Variants in IL1RAPL1 observed in about 807,000 individuals in gnomAD.
The protein encoded by IL1RAPL1 is interleukin 1 receptor accessory protein like 1.
IL1RAPL1 carries 3 observed loss-of-function variants against 48.4 expected under a neutral mutation model. The ratio of observed to expected loss-of-function variants is 0.06; its 90% confidence interval spans 0.03 to 0.16. The LOEUF is 0.16. Ranked by LOEUF, IL1RAPL1 falls within the 10% of genes least tolerant of loss-of-function variation. IL1RAPL1 has a pLI of 1.00. For missense variants in IL1RAPL1, 349 were observed against 530.6 expected (o/e 0.66, Z 3.36); for synonymous variants, 185 against 187.7 (o/e 0.99, Z 0.12).
intron 2 of IL1RAPL1, among the ~76,000 whole-genome samples, chrX:29,217,361 A>G (rs1290768944): frequency 8.9e-6 from 1 of 112,193 alleles, no homozygotes; most frequent in Non-Finnish European, 1.9e-5. Flanking sequence ...TTAAACACCA[A>G]ATATTTGCCA....
chrX:29,617,555 A>C (rs189253490), intron 5 of IL1RAPL1, among the ~76,000 whole-genome samples: 179 of 111,873 alleles, frequency 1.6e-3, no homozygotes, highest in Non-Finnish European at 2.8e-3. Flanking sequence ...TGAGCAGCCA[A>C]CAGTGGGACT....
intron 2 of IL1RAPL1, among the ~76,000 whole-genome samples, chrX:28,815,884 T>TATATAA (rs1491054467): frequency 1.4e-5 from 1 of 73,298 alleles, no homozygotes; most frequent in African/African-American, 4.7e-5. Context: ...TATATATATA[T>TATATAA]AATTTTTTTC....
intron 2 of IL1RAPL1, among the ~76,000 whole-genome samples, chrX:28,925,254 C>T (rs1923711896): frequency 9.0e-6 from 1 of 111,612 alleles, no homozygotes; most frequent in African/African-American, 3.3e-5. Flanking sequence ...CAAATTAATA[C>T]TTTTAAATGA....
At position 28,883,212 on chromosome X, in the gene IL1RAPL1, A is replaced by G. The variant is rs1009196675; in HGVS notation, c.82+93787A>G. On this transcript the variant is annotated intron_variant, in intron 2 of 10. Coordinates refer to ENST00000378993, the MANE Select transcript of IL1RAPL1 (RefSeq NM_014271.4). ...GCATGTATTCATATCTTTTAATAAA[A>G]GCCTATGCAAACCTCTCTTTTTTTG... Among the ~76,000 whole-genome samples the G allele has an allele frequency of 1.1e-3, 119 of 112,153 alleles. 2 individuals carry two copies. Among genetic ancestry groups the G allele is most frequent in the Non-Finnish European group, 2.8e-4 (15 of 53,153 alleles).
intron 5 of IL1RAPL1, among the ~76,000 whole-genome samples, chrX:29,603,028 G>A (rs1469571549): frequency 8.9e-6 from 1 of 111,898 alleles, no homozygotes; most frequent in Non-Finnish European, 1.9e-5. Context: ...CACTTTGGGA[G>A]GCCGAGGCGG....
chrX:28,679,293 G>GT (rs751583720), intron 1 of IL1RAPL1, among the ~76,000 whole-genome samples: 3 of 110,040 alleles, frequency 2.7e-5, no homozygotes, highest in Non-Finnish European at 5.7e-5. Flanking sequence ...TTTTATTCGG[G>GT]TTTTTTTTCC....
intron 1 of IL1RAPL1, among the ~76,000 whole-genome samples, chrX:28,678,942 A>G (rs1473520594): frequency 1.8e-5 from 2 of 111,989 alleles, no homozygotes; most frequent in African/African-American, 6.5e-5. Flanking sequence ...TTTCCTTTCA[A>G]TATATGCCCA....
intron 1 of IL1RAPL1, among the ~76,000 whole-genome samples, chrX:28,763,298 G>A (rs913512557): frequency 8.9e-6 from 1 of 111,832 alleles, no homozygotes; most frequent in Non-Finnish European, 1.9e-5. Context: ...AATTTATTCA[G>A]TGTTTTGTAC....
At chrX:29,841,674 A>G (rs1056722737) in intron 6 of IL1RAPL1, among the ~76,000 whole-genome samples, 4 of 111,644 alleles carry the variant, frequency 3.6e-5, no homozygotes, top group African/African-American at 1.3e-4. Context: ...TACGGTATGT[A>G]AGAACTATAC....
chrX:29,000,929 G>A (rs1439455053), intron 2 of IL1RAPL1, among the ~76,000 whole-genome samples: 4 of 104,139 alleles, frequency 3.8e-5, no homozygotes. Context: ...TTTTTTCAGA[G>A]TGTGATCTTC....
In IL1RAPL1 at chrX:29,417,717, A is replaced by G. The variant is rs757027185; in HGVS notation, c.703+18409A>G. Among the ~76,000 whole-genome samples, 433 of 111,603 alleles carry G rather than the reference A, an allele frequency of 3.9e-3. 2 individuals are homozygous for G. The highest frequency in any genetic ancestry group is 0.014 in the African/African-American group (417 of 30,808). ...CAACTTTTGTGAATATTATTTTTAA[A>G]ACAGAAATGCTGTATATAGTCACTA... On this transcript the variant is annotated intron_variant, in intron 5 of 10. Coordinates refer to ENST00000378993, the MANE Select transcript of IL1RAPL1 (RefSeq NM_014271.4).
At chrX:29,637,649 G>C (rs1223259706) in intron 5 of IL1RAPL1, among the ~76,000 whole-genome samples, 2 of 111,130 alleles carry the variant, frequency 1.8e-5, no homozygotes, top group Non-Finnish European at 3.8e-5. Flanking sequence ...TGTGTCCTCT[G>C]TATGCCTCTA....
intron 1 of IL1RAPL1, among the ~76,000 whole-genome samples, chrX:28,775,980 A>G (rs908723487): frequency 8.9e-6 from 1 of 112,031 alleles, no homozygotes; most frequent in Non-Finnish European, 1.9e-5. Context: ...TAACTGACAT[A>G]TATTTTTTAT....
At chrX:29,079,321 A>G (rs1052914188) in intron 2 of IL1RAPL1, among the ~76,000 whole-genome samples, 1 of 111,636 alleles carries the variant, frequency 9.0e-6, no homozygotes, top group Non-Finnish European at 1.9e-5. Context: ...TTTTGGGACC[A>G]AAATCTTAAA....
intron 5 of IL1RAPL1, among the ~76,000 whole-genome samples, chrX:29,466,617 C>T (rs1169832826): frequency 3.6e-5 from 4 of 112,125 alleles, no homozygotes; most frequent in African/African-American, 1.3e-4. Flanking sequence ...CAGATTAGTG[C>T]TGAAGTTCTG....
At chrX:28,640,556 G>A (rs1221321253) in intron 1 of IL1RAPL1, among the ~76,000 whole-genome samples, 3 of 108,606 alleles carry the variant, frequency 2.8e-5, no homozygotes, top group Non-Finnish European at 5.7e-5. Flanking sequence ...TCAACATGTT[G>A]GCCAGGCTGG....
At chrX:29,387,734 T>G (rs1227053378) in intron 3 of IL1RAPL1, among the ~76,000 whole-genome samples, 1 of 111,826 alleles carries the variant, frequency 8.9e-6, no homozygotes, top group Non-Finnish European at 1.9e-5. Flanking sequence ...GGCTCATGCC[T>G]GTAATTCCAG....
chrX:28,860,424 A>G (rs1223803774), intron 2 of IL1RAPL1, among the ~76,000 whole-genome samples: 3 of 109,664 alleles, frequency 2.7e-5, no homozygotes, highest in Non-Finnish European at 5.7e-5. Flanking sequence ...ATTTTAGGAG[A>G]TAATATATAA....
intron 5 of IL1RAPL1, among the ~76,000 whole-genome samples, chrX:29,471,718 C>T (rs938887145): frequency 1.8e-5 from 2 of 111,221 alleles, no homozygotes; most frequent in African/African-American, 6.5e-5. Context: ...TTCCCCCTCC[C>T]CCTAGGCCCT....
Sources: allele counts gnomAD v4.1 joint callset (sites outside exome capture counted in the v4.1 genomes callset), GRCh38; gene constraint gnomAD v4.1.1; transcripts MANE v1.5; gene names NCBI Gene and HGNC (gene_info 2026-07-23, HGNC 2026-07-21).